The following MAP2K5 variants were observed in gnomAD, a reference collection of about 807,000 sequenced individuals.
MAP2K5 encodes mitogen-activated protein kinase kinase 5.
A neutral mutation model predicts 83.1 loss-of-function variants in MAP2K5; 49 were observed. That is an observed-to-expected ratio of 0.59 (90% confidence interval 0.47 to 0.75). MAP2K5 has a LOEUF of 0.75. MAP2K5 is among the 30% of genes least tolerant of loss of function. MAP2K5 has a pLI of 0.00. For missense variants in MAP2K5, 457 were observed against 557.5 expected, an observed-to-expected ratio of 0.82 and a Z score of 1.82; for synonymous variants, 202 against 191.8, an observed-to-expected ratio of 1.05 and a Z score of -0.44.
chr15:67,579,068 G>A (rs1045950961), intron 3 of MAP2K5, among the ~76,000 whole-genome samples: 1 of 152,214 alleles, frequency 6.6e-6, no homozygotes, highest in African/African-American at 2.4e-5. Flanking sequence ...CACCACTGCT[G>A]TTGTCTTGTA....
At chr15:67,642,802 C>T (rs1424613368) in intron 9 of MAP2K5, among the ~76,000 whole-genome samples, 1 of 152,132 alleles carries the variant, frequency 6.6e-6, no homozygotes, top group African/African-American at 2.4e-5. Flanking sequence ...GCGATGGGAA[C>T]ACATTAAGGT....
chr15:67,590,924 G>C (rs933613140), intron 6 of MAP2K5, among the ~76,000 whole-genome samples: 2 of 152,182 alleles, frequency 1.3e-5, no homozygotes, highest in South Asian at 2.1e-4. Flanking sequence ...TATAGAATAC[G>C]TAAGATGTGT....
intron 12 of MAP2K5, among the ~76,000 whole-genome samples, chr15:67,663,283 CAAAAG>C (rs1464072745): frequency 6.6e-6 from 1 of 151,944 alleles, no homozygotes; most frequent in Non-Finnish European, 1.5e-5. Context: ...CCTGTATAGA[CAAAAG>C]AAAAAAAATT....
At chr15:67,798,515 T>G (rs2090645116) in intron 21 of MAP2K5, among the ~76,000 whole-genome samples, 1 of 152,196 alleles carries the variant, frequency 6.6e-6, no homozygotes, top group Non-Finnish European at 1.5e-5. Flanking sequence ...GGCTGCTCTG[T>G]AAGTACAGGC....
At position 67,702,300 on chromosome 15, in the gene MAP2K5, A is replaced by G. The variant is rs952343020; in HGVS notation, c.973-1037A>G. The stretch of plus-strand genomic sequence containing the variant: ...AAAACACTAAAACAAGGCCTGGTGT[A>G]TAGAAATTCTTTAATAAATGCACAC... On this transcript the variant is annotated intron_variant, in intron 15 of 21. Coordinates refer to ENST00000178640, the MANE Select transcript of MAP2K5 (RefSeq NM_145160.3). This position sits in a 1 kb window ranked among gnomAD's most constrained non-coding sequence, Gnocchi z 4.6. Among the ~76,000 whole-genome samples, 2 of 152,234 alleles carry G rather than the reference A, an allele frequency of 1.3e-5. No homozygotes were observed. Among genetic ancestry groups the G allele is most frequent in the Non-Finnish European group, 2.9e-5 (2 of 68,034 alleles).
rs1425696727 is a variant in MAP2K5, at chr15:67,790,371, T to C, written c.1243-16275T>C. ...ATTACACTTCTGAGTGTGAGGTCTT[T>C]CCACAGAGCGCCCAAGGTCCCATTG... On this transcript the variant is annotated intron_variant, in intron 21 of 21. Transcript: ENST00000178640. This position sits in a 1 kb window ranked among gnomAD's most constrained non-coding sequence, Gnocchi z 4.6. Among the ~76,000 whole-genome samples, 1 of 152,158 alleles carries C rather than the reference T, an allele frequency of 6.6e-6. No individual in the cohort carries two copies. The highest frequency in any genetic ancestry group is 2.1e-4 in the South Asian group (1 of 4,818).
intron 1 of MAP2K5, among the ~76,000 whole-genome samples, chr15:67,546,771 A>G (rs981728250): frequency 1.3e-5 from 2 of 152,092 alleles, no homozygotes; most frequent in African/African-American, 4.8e-5. Flanking sequence ...CCCCTCATCT[A>G]TAAGACTTCT....
At chr15:67,674,657 T>G (rs1387304234) in intron 13 of MAP2K5, among the ~76,000 whole-genome samples, 2 of 152,156 alleles carry the variant, frequency 1.3e-5, no homozygotes, top group African/African-American at 4.8e-5. Flanking sequence ...TTGCAGTATG[T>G]TGTGATTTTC....
intron 19 of MAP2K5, among the ~76,000 whole-genome samples, chr15:67,767,388 G>A (rs1415806664): frequency 1.3e-5 from 2 of 152,048 alleles, no homozygotes; most frequent in Non-Finnish European, 2.9e-5. Context: ...AATATTGAAC[G>A]ACATTAAGAT....
intron 8 of MAP2K5, among the ~76,000 whole-genome samples, chr15:67,601,502 A>C (rs2085658297): frequency 1.3e-5 from 2 of 152,222 alleles, no homozygotes; most frequent in African/African-American, 4.8e-5. Context: ...AGGGAATAAT[A>C]AAACTTTCCT....
intron 3 of MAP2K5, among the ~76,000 whole-genome samples, chr15:67,567,428 A>G (rs1276893523): frequency 1.4e-5 from 2 of 147,346 alleles, no homozygotes; most frequent in Admixed American, 6.9e-5. Flanking sequence ...GCAGTGGCGC[A>G]ATCTCGGCTC....
In MAP2K5 at chr15:67,755,889, C is replaced by G. The variant is rs2089824545; in HGVS notation, c.1134+7288C>G. Among the ~76,000 whole-genome samples the G allele has an allele frequency of 6.6e-6, 1 of 152,154 alleles. No homozygotes were observed. The highest frequency in any genetic ancestry group is 1.5e-5 in the Non-Finnish European group (1 of 68,022). The stretch of plus-strand genomic sequence containing the variant: ...TTTAGTCCTTCTTATCATCAGGGAC[C>G]CCAGGCCAGGCCCCACAGCAAGGAT... On this transcript the variant is annotated intron_variant, in intron 19 of 21. Coordinates refer to ENST00000178640, the MANE Select transcript of MAP2K5 (RefSeq NM_145160.3). This position sits in a 1 kb window ranked among gnomAD's most constrained non-coding sequence, Gnocchi z 4.7.
At position 67,658,599 on chromosome 15, in the gene MAP2K5, A is replaced by G. The variant is rs911941338; in HGVS notation, c.783A>G (p.Gly261=). Residue 261 remains glycine (G), a synonymous_variant, in exon 12 of 22, where the codon GGA becomes GGG. Coordinates refer to ENST00000178640, the MANE Select transcript of MAP2K5 (RefSeq NM_145160.3). ...GGAAAATGCCAGAACATGTCCTTGG[A>G]AGAATTGCAGTAGCAGTAAGTATAT... ...VYRKMPEHVL[G]RIAVAVVKGL... 3 of 1,611,906 alleles carry G rather than the reference A, an allele frequency of 1.9e-6. No individual in the cohort carries two copies. In the East Asian group the frequency reaches 6.7e-5, roughly 36 times the overall value.
chr15:67,615,432 T>A (rs1458091794), intron 8 of MAP2K5, among the ~76,000 whole-genome samples: 1 of 152,208 alleles, frequency 6.6e-6, no homozygotes, highest in Non-Finnish European at 1.5e-5. Context: ...ACAACTGCTG[T>A]TTACTTTGGA....
At chr15:67,546,936 C>T (rs1321471785) in intron 1 of MAP2K5, among the ~76,000 whole-genome samples, 1 of 152,100 alleles carries the variant, frequency 6.6e-6, no homozygotes, top group Non-Finnish European at 1.5e-5. Flanking sequence ...CTTGGTGACA[C>T]TCACCTGTGG....
At position 67,786,773 on chromosome 15, in the gene MAP2K5, C is replaced by T. The variant is rs531049509; in HGVS notation, c.1242+14021C>T. On this transcript the variant is annotated intron_variant, in intron 21 of 21. Coordinates refer to ENST00000178640, the MANE Select transcript of MAP2K5 (RefSeq NM_145160.3). The surrounding 1 kb of genome is among the most constrained non-coding windows in gnomAD (Gnocchi z 4.7). Reference sequence around the variant, plus strand: ...TTGCTTATCTACAAAAATAGAGTATCGCAAAGCATGAAATTTAAGTGAGAT... The same window carrying T: ...TTGCTTATCTACAAAAATAGAGTATTGCAAAGCATGAAATTTAAGTGAGAT... Among the ~76,000 whole-genome samples, 1 of 152,166 alleles carries T rather than the reference C, an allele frequency of 6.6e-6. No homozygotes were observed. Among genetic ancestry groups the T allele is most frequent in the East Asian group, 1.9e-4 (1 of 5,200 alleles).
Position 67,733,811 on chromosome 15 carries a change from A to G in MAP2K5, c.1074+5866A>G, listed in dbSNP as rs2089279300. ...GAAAAATATGCATTCTTAATGATAT[A>G]ACGACTGGCACCTTCCATAGATAGT... On this transcript the variant is annotated intron_variant, in intron 17 of 21. Transcript: ENST00000178640. 2.6e-5 allele frequency among the ~76,000 whole-genome samples: 4 copies of G among 152,244 alleles called. No individual in the cohort carries two copies. The South Asian group carries it at 8.3e-4, about 32-fold the overall frequency.
At chr15:67,601,702 C>A (rs1880078219) in intron 8 of MAP2K5, among the ~76,000 whole-genome samples, 1 of 152,194 alleles carries the variant, frequency 6.6e-6, no homozygotes, top group African/African-American at 2.4e-5. Flanking sequence ...CATGAATACA[C>A]ATAAAAATTG....
rs371889366 is a variant in MAP2K5, at chr15:67,592,967, A to G, written c.473A>G (p.Asn158Ser). ...GCTGAACTGAAAAAAATACTAGCCA[A>G]TGGCCAGGTAGGTATTATTATATAT... ...SSAELKKILANGQMNEQDIRY... is the reference protein window; with the variant it reads ...SSAELKKILASGQMNEQDIRY... The change falls in exon 7 of 22, where the codon AAT becomes AGT. Residue 158 changes from asparagine to serine, a missense_variant. Asn to Ser is a conservative substitution (Grantham distance 46). Around this residue, in one of 3 missense-constraint regions of MAP2K5, gnomAD observed 234 missense variants for 243.6 expected, o/e 0.96. Transcript: ENST00000178640. 12 of 1,598,620 alleles carry G rather than the reference A, an allele frequency of 7.5e-6. No homozygotes were observed. The highest frequency in any genetic ancestry group is 1.7e-5 in the Admixed American group (1 of 59,434).
Sources: gnomAD v4.1 joint callset for allele counts (sites outside exome capture counted in the v4.1 genomes callset) on GRCh38, gnomAD v4.1.1 for gene constraint, gnomAD v4.1.1 regional missense constraint, Gnocchi (gnomAD v3.1) non-coding constraint, MANE v1.5 for transcripts, NCBI Gene and HGNC (gene_info 2026-07-23, HGNC 2026-07-21) for gene names.